SLC22A11: variants seen among roughly 807,000 people sequenced by gnomAD.
SLC22A11 encodes organic anion transporter 4.
SLC22A11 carries 42 observed loss-of-function variants against 49.4 expected under a neutral mutation model. The observed-to-expected ratio is 0.85, with a 90% CI of 0.66 to 1.10. The LOEUF is 1.10. Ranked by LOEUF, SLC22A11 falls within the 50% of genes least tolerant of loss-of-function variation. The probability of loss-of-function intolerance (pLI) is 0.00; values close to 1 mark genes in which losing one functional copy is unlikely to be tolerated. For synonymous variants in SLC22A11, 304 were observed against 315.8 expected (o/e 0.96, Z 0.40); for missense variants, 685 against 731.6 (o/e 0.94, Z 0.74).
rs765843997 is a variant in SLC22A11 at position 64,556,157 on chromosome 11, T to A, written c.158T>A (p.Met53Lys). The change falls in exon 1 of 10, where the codon ATG (methionine) becomes AAG (lysine). Residue 53 changes from methionine to lysine, a missense_variant. Transcript: ENST00000301891. ...CCAGGCCACCGATGCTGGACACACA[T>A]GCTGGACAATGGCTCTGCGGTTTCC... is the stretch of plus-strand genomic sequence containing the variant. ...AIPGHRCWTHMLDNGSAVSTN... is the reference protein window; with the variant it reads ...AIPGHRCWTHKLDNGSAVSTN... 1 of 1,614,156 alleles carries A rather than the reference T, an allele frequency of 6.2e-7. No homozygotes were observed. Among genetic ancestry groups the A allele is most frequent in the Admixed American group, 1.7e-5 (1 of 60,026 alleles).
Position 64,564,280 on chromosome 11 carries a change from T to TC in SLC22A11, c.822-25dup. ...CCCCGGGGGAGAGCCCAGCGTGCAC[T>TC]CCCAGCTACACACCTGCCTCCTTAC... On this transcript the variant is annotated intron_variant, in intron 4 of 9. Transcript: ENST00000301891. This position sits in a 1 kb window ranked among gnomAD's most constrained non-coding sequence, Gnocchi z 4.2. 8 of 1,613,488 alleles carry TC rather than the reference T, an allele frequency of 5.0e-6. No homozygotes were observed. Among genetic ancestry groups the TC allele is most frequent in the Non-Finnish European group, 6.8e-6 (8 of 1,179,738 alleles).
intron 7 of SLC22A11, 85 bp downstream of exon 7, chr11:64,567,898 C>T: frequency 7.2e-7 from 1 of 1,392,836 alleles, no homozygotes; most frequent in South Asian, 1.3e-5. Flanking sequence ...CATCCCCTCC[C>T]TGGCCCCAGG....
intron 7 of SLC22A11, 116 bp from the exon 8 acceptor site, chr11:64,568,554 C>T (rs915190271): frequency 2.8e-5 from 23 of 821,122 alleles, no homozygotes; most frequent in Admixed American, 1.1e-4. Flanking sequence ...CCAGCAGGGC[C>T]GGGGACTTGT....
At position 64,565,851 on chromosome 11, in the gene SLC22A11, C is replaced by T. The variant is rs1208646813; in HGVS notation, c.1058+514C>T. 10 of 273,242 alleles carry T rather than the reference C, an allele frequency of 3.7e-5. No individual in the cohort carries two copies. The highest frequency in any genetic ancestry group is 1.3e-4 in the Admixed American group (3 of 23,306). The allele number at this position is 273,242 out of a possible 1,614,324, so 16.9% of individuals were successfully genotyped here. On this transcript the variant is annotated intron_variant, in intron 6 of 9. Coordinates refer to ENST00000301891, the MANE Select transcript of SLC22A11 (RefSeq NM_018484.4). This position sits in a 1 kb window ranked among gnomAD's most constrained non-coding sequence, Gnocchi z 4.1. Reference sequence around the variant, plus strand: ...TAATAGAGCCTGCATTGGAACCGGGCTGAGCTAACACTTGGCTTACCGGCA... The same window carrying T: ...TAATAGAGCCTGCATTGGAACCGGGTTGAGCTAACACTTGGCTTACCGGCA...
chr11:64,565,538 A>T lies in SLC22A11; in HGVS notation c.1058+201A>T. The T allele has an allele frequency of 1.5e-6, 1 of 649,490 alleles. No homozygotes were observed. Among genetic ancestry groups the T allele is most frequent in the African/African-American group, 1.8e-5 (1 of 55,898 alleles). The allele number at this position is 649,490 out of a possible 1,614,324, so 40.2% of individuals were successfully genotyped here. On this transcript the variant is annotated intron_variant, in intron 6 of 9. Transcript: ENST00000301891. The surrounding 1 kb of genome is among the most constrained non-coding windows in gnomAD (Gnocchi z 4.1). ...CAGAGAGGGACTATGCACAGGTGGGATCTGGAGGCTGCCATCTGCAGGAAG... is the reference window on the plus strand; with the variant it reads ...CAGAGAGGGACTATGCACAGGTGGGTTCTGGAGGCTGCCATCTGCAGGAAG...
chr11:64,563,304 A>G (rs7933868), intron 4 of SLC22A11, among the ~76,000 whole-genome samples: 1 of 151,992 alleles, frequency 6.6e-6, no homozygotes, highest in East Asian at 1.9e-4. Context: ...TGCGATTACC[A>G]CCATTTTCAA....
chr11:64,571,512 T>C lies in SLC22A11; in HGVS notation c.*470T>C, dbSNP rs2135428586. 1 of 159,592 alleles carries C rather than the reference T, an allele frequency of 6.3e-6. No individual in the cohort carries two copies. The highest frequency in any genetic ancestry group is 1.4e-5 in the Non-Finnish European group (1 of 72,586). The allele number at this position is 159,592 out of a possible 1,614,324, so 9.9% of individuals were successfully genotyped here. On this transcript the variant is annotated 3_prime_UTR_variant, in exon 10 of 10. Coordinates refer to ENST00000301891, the MANE Select transcript of SLC22A11 (RefSeq NM_018484.4). ...CACCGGCCAAATAAATGGAACCTGC[T>C]GAGAGAGCTGCCAGATACAGGTGTC...
intron 1 of SLC22A11, among the ~76,000 whole-genome samples, chr11:64,556,721 G>C (rs540908198): frequency 6.6e-6 from 1 of 152,222 alleles, no homozygotes; most frequent in South Asian, 2.1e-4. Flanking sequence ...TCAGGGGTAA[G>C]GGGGGTCTGG....
intron 8 of SLC22A11, 146 bp from the exon 9 acceptor site, chr11:64,569,506 C>T (rs1186390577): frequency 1.7e-5 from 13 of 782,076 alleles, no homozygotes; most frequent in Admixed American, 5.2e-5. Flanking sequence ...GGGTGGGCTC[C>T]GTGGAGGAGG....
chr11:64,556,097 C>A lies in SLC22A11; in HGVS notation c.98C>A (p.Ser33Tyr). 1 of 1,614,184 alleles carries A rather than the reference C, an allele frequency of 6.2e-7. No homozygotes were observed. Among genetic ancestry groups the A allele is most frequent in the South Asian group, 1.1e-5 (1 of 91,088 alleles). ...ATCCTCCCCTGCCTCATGATACCTTCCCAGATGCTCCTGGAGAACTTCTCA... is the reference window on the plus strand; with the variant it reads ...ATCCTCCCCTGCCTCATGATACCTTACCAGATGCTCCTGGAGAACTTCTCA... ...TFILPCLMIP[S>Y]QMLLENFSAA... is the part of the protein sequence containing the mutation. Residue 33 changes from serine to tyrosine, a missense_variant, in exon 1 of 10, where the codon TCC (serine) becomes TAC (tyrosine). Transcript: ENST00000301891.
intron 2 of SLC22A11, among the ~76,000 whole-genome samples, chr11:64,561,154 C>T (rs957932541): frequency 3.3e-5 from 5 of 152,216 alleles, no homozygotes; most frequent in Admixed American, 2.0e-4. Context: ...TGGAGGCCAC[C>T]GCAGCCCAGG....
In SLC22A11 at chr11:64,561,976, G is replaced by A. The variant is rs369401248; in HGVS notation, c.498-28G>A. ...CCACGTCCTCAGGGGCCCCTCTCCA[G>A]GCCCCGTGTGCTTCTCTCCTGTGAC... On this transcript the variant is annotated intron_variant, in intron 2 of 9. Coordinates refer to ENST00000301891, the MANE Select transcript of SLC22A11 (RefSeq NM_018484.4). The A allele has an allele frequency of 3.8e-4, 599 of 1,595,850 alleles. 3 individuals carry two copies. The highest frequency in any genetic ancestry group is 3.9e-4 in the Non-Finnish European group (460 of 1,168,786).
chr11:64,570,579 G>A (rs1379975408), intron 9 of SLC22A11, among the ~76,000 whole-genome samples: 1 of 152,160 alleles, frequency 6.6e-6, no homozygotes, highest in East Asian at 1.9e-4. Flanking sequence ...TCACAGGGCC[G>A]CCTCAATTCT....
rs765727783 is a variant in SLC22A11 at position 64,556,075 on chromosome 11, C to T, written c.76C>T (p.Leu26Phe). 1.2e-6 allele frequency: 2 copies of T among 1,614,054 alleles called. No homozygotes were observed. The highest frequency in any genetic ancestry group is 2.2e-5 in the East Asian group (1 of 44,880). ...GACCCTGCAGGTGCTCACCTTCATC[C>T]TCCCCTGCCTCATGATACCTTCCCA... ...FQTLQVLTFI[L>F]PCLMIPSQML... Residue 26 changes from leucine (L) to phenylalanine (F), a missense_variant, in exon 1 of 10, where the codon CTC becomes TTC. Leu to Phe is a conservative substitution (Grantham distance 22). Transcript: ENST00000301891.
intron 2 of SLC22A11, among the ~76,000 whole-genome samples, chr11:64,560,249 C>T (rs1448818120): frequency 6.6e-6 from 1 of 152,128 alleles, no homozygotes; most frequent in African/African-American, 2.4e-5. Flanking sequence ...GAGCCACCAT[C>T]TCCTCTCACC....
chr11:64,556,194 C>T lies in SLC22A11; in HGVS notation c.195C>T (p.Thr65=), dbSNP rs766012283. Residue 65 remains threonine (T), a synonymous_variant, in exon 1 of 10, where the codon ACC becomes ACT. Transcript: ENST00000301891. ...GCTCTGCGGTTTCCACAAACATGAC[C>T]CCCAAGGCCCTTCTGACCATCTCCA... ...DNGSAVSTNM[T]PKALLTISIP... is the part of the protein sequence containing the mutation. 196 of 1,614,058 alleles carry T rather than the reference C, an allele frequency of 1.2e-4. 1 individual carries two copies. Among genetic ancestry groups the T allele is most frequent in the Middle Eastern group, 8.2e-4 (5 of 6,084 alleles).
In SLC22A11 at chr11:64,565,370, G is replaced by GGCTGGGACAGGCAGGAGGCAGA. The variant is rs747648530; in HGVS notation, c.1058+58_1058+79dup. On this transcript the variant is annotated intron_variant, in intron 6 of 9. Transcript: ENST00000301891. The surrounding 1 kb of genome is among the most constrained non-coding windows in gnomAD (Gnocchi z 4.1). ...GTCCTGGTGTCCCTCCCCAAGGCAG[G>GGCTGGGACAGGCAGGAGGCAGA]GCTGGGACAGGCAGGAGGCAGAGCT... 3 of 1,522,384 alleles carry GGCTGGGACAGGCAGGAGGCAGA rather than the reference G, an allele frequency of 2.0e-6. No homozygotes were observed. Among genetic ancestry groups the GGCTGGGACAGGCAGGAGGCAGA allele is most frequent in the African/African-American group, 2.8e-5 (2 of 72,586 alleles). 94.3% of individuals were successfully genotyped at this position (1,522,384 alleles called of 1,614,324 possible).
rs987298384 is a variant in SLC22A11 at position 64,565,269 on chromosome 11, G to A, written c.990G>A (p.Pro330=). The A allele has an allele frequency of 7.7e-6, 12 of 1,550,400 alleles. No homozygotes were observed. In the Admixed American group the frequency reaches 9.8e-5, roughly 13 times the overall value. ...AGGAGGTGGCCTCTGCAAAGGAGCC[G>A]CGGTCGGTGCTGGACCTGTTCTGCG... ...VKEEVASAKE[P]RSVLDLFCVP... Residue 330 remains proline (P), a synonymous_variant, in exon 6 of 10, where the codon CCG becomes CCA. Coordinates refer to ENST00000301891, the MANE Select transcript of SLC22A11 (RefSeq NM_018484.4). This position sits in a 1 kb window ranked among gnomAD's most constrained non-coding sequence, Gnocchi z 4.1.
chr11:64,556,722 G>A (rs2038467166), intron 1 of SLC22A11, among the ~76,000 whole-genome samples: 1 of 152,082 alleles, frequency 6.6e-6, no homozygotes, highest in South Asian at 2.1e-4. Context: ...CAGGGGTAAG[G>A]GGGGTCTGGC....
Sources: allele counts gnomAD v4.1 joint callset (sites outside exome capture counted in the v4.1 genomes callset), GRCh38; gene constraint gnomAD v4.1.1; non-coding constraint Gnocchi (gnomAD v3.1); transcripts MANE v1.5; gene names NCBI Gene and HGNC (gene_info 2026-07-23, HGNC 2026-07-21).